SUMF1: variants seen among roughly 807,000 people sequenced by gnomAD.
The protein encoded by SUMF1 is formylglycine-generating enzyme.
Under a neutral mutation model 47.6 loss-of-function variants are expected in SUMF1, and 48 were observed. The ratio of observed to expected loss-of-function variants is 1.01; its 90% confidence interval spans 0.80 to 1.28. The LOEUF (loss-of-function observed/expected upper bound fraction) is 1.28. SUMF1 is among the 50% of genes most tolerant of loss of function. The probability of loss-of-function intolerance (pLI) is 0.00; values close to 1 mark genes in which losing one functional copy is unlikely to be tolerated. For synonymous variants in SUMF1, 230 were observed against 192.1 expected (o/e 1.20, Z -1.63); for missense variants, 571 against 485.4 (o/e 1.18, Z -1.66).
intron 7 of SUMF1, among the ~76,000 whole-genome samples, chr3:4,401,435 A>G (rs1701208707): frequency 6.6e-6 from 1 of 152,100 alleles, no homozygotes; most frequent in African/African-American, 2.4e-5. Context: ...GGTGGAAATC[A>G]TTTTAAAAAC....
intron 1 of SUMF1, among the ~76,000 whole-genome samples, chr3:4,455,261 C>T (rs577050572): frequency 3.3e-5 from 5 of 152,012 alleles, no homozygotes; most frequent in South Asian, 2.1e-4. Context: ...CAGAATAAAA[C>T]GGATCATAAG....
chr3:4,304,723 G>T (rs1388461212), intron 8 of SUMF1, among the ~76,000 whole-genome samples: 1 of 152,172 alleles, frequency 6.6e-6, no homozygotes, highest in Non-Finnish European at 1.5e-5. Flanking sequence ...TAAGATAAGA[G>T]ATTCAATAGC....
rs1049550471 is a variant in SUMF1, at chr3:4,104,828, A to T, written c.1015-36083T>A. ...TTTGCTTCTTTTTCTATGCTCAAAC[A>T]TGTATAGAGTCCTTTTACACCATAA... On this transcript the variant is annotated intron_variant and NMD_transcript_variant, in intron 8 of 12. Transcript: ENST00000448413. Among the ~76,000 whole-genome samples, 5 of 152,010 alleles carry T rather than the reference A, an allele frequency of 3.3e-5. No individual in the cohort carries two copies. In the South Asian group the frequency reaches 6.2e-4, roughly 19 times the overall value.
intron 8 of SUMF1, among the ~76,000 whole-genome samples, chr3:4,190,344 T>G (rs1695288629): frequency 6.6e-6 from 1 of 152,158 alleles, no homozygotes; most frequent in South Asian, 2.1e-4. Flanking sequence ...GCAACGTGTC[T>G]GTAGGCAGCT....
At chr3:4,269,103 A>G (rs1381407502) in intron 8 of SUMF1, among the ~76,000 whole-genome samples, 1 of 152,156 alleles carries the variant, frequency 6.6e-6, no homozygotes, top group African/African-American at 2.4e-5. Flanking sequence ...CTTGCCTCAT[A>G]CTGCTGTACA....
chr3:4,391,235 G>GT (rs1249008281), intron 7 of SUMF1, among the ~76,000 whole-genome samples: 2 of 151,374 alleles, frequency 1.3e-5, no homozygotes, highest in African/African-American at 4.9e-5. Flanking sequence ...TCCAGGTGTG[G>GT]TTTTTTGTTT....
intron 8 of SUMF1, among the ~76,000 whole-genome samples, chr3:4,279,412 A>G (rs1228375191): frequency 6.6e-6 from 1 of 152,206 alleles, no homozygotes; most frequent in African/African-American, 2.4e-5. Context: ...TCAACAATTA[A>G]ATACATTATG....
chr3:4,442,257 C>CTTTT (rs35480700), intron 3 of SUMF1, among the ~76,000 whole-genome samples: 2 of 140,594 alleles, frequency 1.4e-5, no homozygotes, highest in Non-Finnish European at 1.5e-5. Context: ...ACCATGAACT[C>CTTTT]TTTTTTTTTT....
At chr3:4,309,355 G>T (rs1290618991) in intron 8 of SUMF1, among the ~76,000 whole-genome samples, 2 of 152,286 alleles carry the variant, frequency 1.3e-5, no homozygotes, top group South Asian at 4.1e-4. Context: ...CCCTTGCTGA[G>T]AGGAGGGGTC....
intron 8 of SUMF1, among the ~76,000 whole-genome samples, chr3:4,188,274 C>G (rs1411929995): frequency 1.3e-5 from 2 of 151,802 alleles, no homozygotes; most frequent in Non-Finnish European, 2.9e-5. Flanking sequence ...CTCCCAGGTT[C>G]AAGCAATTCT....
intron 8 of SUMF1, among the ~76,000 whole-genome samples, chr3:4,103,496 T>G (rs1003410985): frequency 6.6e-6 from 1 of 152,032 alleles, no homozygotes; most frequent in Admixed American, 6.5e-5. Flanking sequence ...GTGAAACGGA[T>G]AAGCAAAAAT....
At chr3:4,424,960 T>C (rs551352411) in intron 3 of SUMF1, among the ~76,000 whole-genome samples, 22 of 152,332 alleles carry the variant, frequency 1.4e-4, no homozygotes, top group African/African-American at 5.3e-4. Context: ...TATTGCAGGA[T>C]GTTTAGCAGT....
intron 8 of SUMF1, among the ~76,000 whole-genome samples, chr3:4,220,544 C>G (rs1242467641): frequency 6.6e-6 from 1 of 152,068 alleles, no homozygotes; most frequent in Non-Finnish European, 1.5e-5. Flanking sequence ...TCTCTTCTCT[C>G]TCTTTCCATC....
intron 8 of SUMF1, among the ~76,000 whole-genome samples, chr3:4,240,531 A>C (rs1015671595): frequency 1.3e-5 from 2 of 151,838 alleles, no homozygotes; most frequent in African/African-American, 4.8e-5. Context: ...GATTTTTTAA[A>C]ATTACCCATA....
At chr3:4,388,495 GT>G (rs1261993901) in intron 7 of SUMF1, among the ~76,000 whole-genome samples, 1 of 151,600 alleles carries the variant, frequency 6.6e-6, no homozygotes, top group Non-Finnish European at 1.5e-5. Context: ...TAATTAGGTT[GT>G]TTTTTTAATC....
chr3:4,156,049 G>C (rs1694445670), intron 8 of SUMF1, among the ~76,000 whole-genome samples: 1 of 151,434 alleles, frequency 6.6e-6, no homozygotes, highest in African/African-American at 2.5e-5. Flanking sequence ...TTGCACACCA[G>C]AGTACAAAAG....
chr3:4,438,600 G>A (rs1702477875), intron 3 of SUMF1, among the ~76,000 whole-genome samples: 1 of 152,046 alleles, frequency 6.6e-6, no homozygotes, highest in Non-Finnish European at 1.5e-5. Flanking sequence ...TTCATCTGAG[G>A]AAGACATACT....
Position 4,161,195 on chromosome 3 carries a change from T to C in SUMF1, c.1015-92450A>G, listed in dbSNP as rs368062785. The stretch of plus-strand genomic sequence containing the variant: ...CAGACAAACGGAGTCTCTCTCTTTG[T>C]GCTGTGCTGCCTGGAGCTAGGGGAG... On this transcript the variant is annotated intron_variant and NMD_transcript_variant, in intron 8 of 12. Transcript: ENST00000448413. Among the ~76,000 whole-genome samples the C allele has an allele frequency of 1.4e-4, 22 of 152,150 alleles. 1 individual carries two copies. Among genetic ancestry groups the C allele is most frequent in the East Asian group, 7.7e-4 (4 of 5,188 alleles).
intron 8 of SUMF1, among the ~76,000 whole-genome samples, chr3:4,070,523 C>T (rs1168865575): frequency 1.3e-5 from 2 of 152,174 alleles, no homozygotes; most frequent in Non-Finnish European, 2.9e-5. Flanking sequence ...TTCATCATAT[C>T]CTTTCTTAAT....
Sources: gnomAD v4.1 joint callset for allele counts (sites outside exome capture counted in the v4.1 genomes callset) on GRCh38, gnomAD v4.1.1 for gene constraint, MANE v1.5 for transcripts, NCBI Gene and HGNC (gene_info 2026-07-23, HGNC 2026-07-21) for gene names.